Variants in MUC5B observed in about 807,000 individuals in gnomAD.
MUC5B encodes the protein mucin 5B, oligomeric mucus/gel-forming.
MUC5B carries 116 observed loss-of-function variants against 376.9 expected under a neutral mutation model. The ratio of observed to expected loss-of-function variants is 0.31; its 90% CI spans 0.26 to 0.36. The LOEUF (loss-of-function observed/expected upper bound fraction) is 0.36, where lower values mean the gene tolerates loss of function less well. MUC5B is among the 10% of genes least tolerant of loss of function. MUC5B has a pLI of 1.00. For synonymous variants in MUC5B, 3,517 were observed against 3,390.9 expected, an observed-to-expected ratio of 1.04 and a Z score of -1.29; for missense variants, 7,165 against 7,769.9, an observed-to-expected ratio of 0.92 and a Z score of 2.93.
chr11:1,245,655 C>T lies in MUC5B; in HGVS notation c.8775C>T (p.Val2925=). 1.9e-6 allele frequency: 3 copies of T among 1,601,968 alleles called. No individual in the cohort carries two copies. In the South Asian group the frequency reaches 3.3e-5, roughly 18 times the overall value. Residue 2925 remains valine, a synonymous_variant, in exon 31 of 49, where the codon GTC becomes GTT. Coordinates refer to ENST00000529681, the MANE Select transcript of MUC5B (RefSeq NM_002458.3). The part of the protein sequence containing the change: ...LECRAQAQPG[V]PLRELGQVVE... ...GCCGTGCCCAGGCCCAGCCTGGTGT[C>T]CCCCTGCGGGAGTTGGGCCAGGTCG...
rs1337569684 is a variant in MUC5B, at chr11:1,259,281, T to C, written c.16713+220T>C. On this transcript the variant is annotated intron_variant, in intron 44 of 48. Transcript: ENST00000529681. ...GAGGCACCTGCCCCCAGGTGAGACC[T>C]GAGTCACCTGCCCCCAGGTGAGCCA... 5.0e-4 allele frequency among the ~76,000 whole-genome samples: 57 copies of C among 114,792 alleles called. No homozygotes were observed. In the East Asian group the frequency reaches 8.6e-3, roughly 17 times the overall value. The allele number at this position is 114,792 out of a possible 152,430, so 75.3% of individuals were successfully genotyped here.
At position 1,240,883 on chromosome 11, in the gene MUC5B, C is replaced by T. The variant is rs762102969; in HGVS notation, c.4003C>T (p.Arg1335Cys). The T allele has an allele frequency of 5.0e-6, 8 of 1,611,762 alleles. No individual in the cohort carries two copies. Among genetic ancestry groups the T allele is most frequent in the Non-Finnish European group, 5.9e-6 (7 of 1,179,588 alleles). ...PALPVSTVCV[R>C]EVCRWSSWYN... ...CCTCCCGGTCTCCACCGTGTGTGTCCGCGAGGTCTGCCGCTGGTCCAGCTG... is the reference window on the plus strand; with the variant it reads ...CCTCCCGGTCTCCACCGTGTGTGTCTGCGAGGTCTGCCGCTGGTCCAGCTG... Residue 1335 changes from arginine to cysteine, a missense_variant, in exon 31 of 49, where the codon CGC (arginine) becomes TGC (cysteine). Around this residue, in one of 31 missense-constraint regions of MUC5B, gnomAD observed 517 missense variants for 545.3 expected, o/e 0.95. Coordinates refer to ENST00000529681, the MANE Select transcript of MUC5B (RefSeq NM_002458.3).
chr11:1,256,283 G>T, intron 38 of MUC5B, 58 bp downstream of exon 38: 1 of 711,468 alleles, frequency 1.4e-6, no homozygotes, highest in Non-Finnish European at 2.6e-6. Flanking sequence ...GACCGGTCTG[G>T]GGGAGCAGGA....
Position 1,248,339 on chromosome 11 carries a change from C to T in MUC5B, c.11459C>T (p.Ser3820Phe), listed in dbSNP as rs376851257. ...ACCACCACACCCACGGCCACCATGT[C>T]CACAGCCACACCCTCCTCCACTCCA... is the stretch of plus-strand genomic sequence containing the variant. ...SQTTTPTATMSTATPSSTPET... is the reference protein window; with the variant it reads ...SQTTTPTATMFTATPSSTPET... Residue 3820 changes from serine (S) to phenylalanine (F), a missense_variant, in exon 31 of 49, where the codon TCC becomes TTC. Physicochemically the swap from Ser to Phe is radical, Grantham distance 155 (BLOSUM62 -2). This residue lies in a region of MUC5B where 72 missense variants were observed against 127.8 expected (regional missense o/e 0.56). Transcript: ENST00000529681. 64 of 1,612,570 alleles carry T rather than the reference C, an allele frequency of 4.0e-5. No homozygotes were observed. Among genetic ancestry groups the T allele is most frequent in the East Asian group, 4.5e-5 (2 of 44,844 alleles).
rs969661427 is a variant in MUC5B at position 1,232,351 on chromosome 11, C to T, written c.1844-99C>T. 4.2e-6 allele frequency: 6 copies of T among 1,425,494 alleles called. No individual in the cohort carries two copies. In the East Asian group the frequency reaches 1.3e-4, roughly 30 times the overall value. The allele number at this position is 1,425,494 out of a possible 1,614,324, so 88.3% of individuals were successfully genotyped here. A position where few individuals can be genotyped will look rare whatever the true frequency, so the allele number is the denominator to read the frequency against. On this transcript the variant is annotated intron_variant, in intron 15 of 48. Coordinates refer to ENST00000529681, the MANE Select transcript of MUC5B (RefSeq NM_002458.3). The stretch of plus-strand genomic sequence containing the variant: ...GGCGCAGCAGGTGAGCCGCAAATTC[C>T]AACTCACTGTTCCCCGGGCTGAGGG...
Position 1,242,448 on chromosome 11 carries a change from C to T in MUC5B, c.5568C>T (p.Thr1856=). The T allele has an allele frequency of 6.2e-7, 1 of 1,613,832 alleles. No homozygotes were observed. The highest frequency in any genetic ancestry group is 8.5e-7 in the Non-Finnish European group (1 of 1,179,822). Residue 1856 remains threonine (T), a synonymous_variant, in exon 31 of 49, where the codon ACC becomes ACT. Transcript: ENST00000529681. ...VLTCSLETGL[T]CKNEDQTGRF... is the part of the protein sequence containing the mutation. ...CCTGCAGCCTGGAGACGGGGCTGAC[C>T]TGCAAGAACGAAGACCAGACAGGCA...
chr11:1,240,463 GTA>G (rs1862255156), intron 30 of MUC5B, 88 bp downstream of exon 30: 13 of 1,241,642 alleles, frequency 1.0e-5, no homozygotes, highest in Non-Finnish European at 1.2e-5. Flanking sequence ...GCCCTGTATG[GTA>G]GCGACAGTCC....
chr11:1,227,778 C>T lies in MUC5B; in HGVS notation c.771C>T (p.Asp257=), dbSNP rs190771168. The T allele has an allele frequency of 9.9e-6, 7 of 710,040 alleles. No individual in the cohort carries two copies. The highest frequency in any genetic ancestry group is 5.4e-5 in the East Asian group (2 of 37,054). 44.0% of individuals were successfully genotyped at this position (710,040 alleles called of 1,614,324 possible). Residue 257 remains aspartate (D), a synonymous_variant, in exon 7 of 49, where the codon GAC becomes GAT. Transcript: ENST00000529681. ...CCTTGCCGGCCGGCAACTGCACGGA[C>T]GAGGTGAGTCCCCCGCCACCCCCAG... is the stretch of plus-strand genomic sequence containing the variant. ...PLPLPAGNCT[D]EEGICHRTLL... is the part of the protein sequence containing the mutation.
At position 1,240,979 on chromosome 11, in the gene MUC5B, A is replaced by G; in HGVS notation, c.4099A>G (p.Arg1367Gly). The change falls in exon 31 of 49, where the codon AGA becomes GGA. Residue 1367 changes from arginine (R) to glycine (G), a missense_variant. Transcript: ENST00000529681. The part of the protein sequence containing the change: ...DFETFENLRQ[R>G]GYQVCPVLAD... The stretch of plus-strand genomic sequence containing the variant: ...TGAGACGTTTGAAAACCTGAGGCAG[A>G]GAGGGTACCAGGTATGCCCTGTGCT... The G allele has an allele frequency of 6.2e-7, 1 of 1,613,448 alleles. No individual in the cohort carries two copies. The highest frequency in any genetic ancestry group is 2.2e-5 in the East Asian group (1 of 44,886).
Position 1,233,852 on chromosome 11 carries a change from A to C in MUC5B, c.2377+4A>C. The C allele has an allele frequency of 6.3e-7, 1 of 1,590,282 alleles. No individual in the cohort carries two copies. The highest frequency in any genetic ancestry group is 2.3e-5 in the East Asian group (1 of 43,302). On this transcript the variant is annotated splice_donor_region_variant and intron_variant, in intron 19 of 48. Coordinates refer to ENST00000529681, the MANE Select transcript of MUC5B (RefSeq NM_002458.3). ...GCCTCTCTGCAGAAAAGCACAGGTA[A>C]GTGCCACCCCTGCCCTGCCCTGCCC...
chr11:1,242,497 A>G lies in MUC5B; in HGVS notation c.5617A>G (p.Asn1873Asp), dbSNP rs1428447685. 1.2e-6 allele frequency: 2 copies of G among 1,613,620 alleles called. No homozygotes were observed. Among genetic ancestry groups the G allele is most frequent in the African/African-American group, 2.7e-5 (2 of 74,824 alleles). The change falls in exon 31 of 49, where the codon AAC becomes GAC. Residue 1873 changes from asparagine to aspartate, a missense_variant. Asn to Asp is a conservative substitution (Grantham distance 23). This residue lies in a region of MUC5B where 897 missense variants were observed against 779.6 expected (regional missense o/e 1.15). Transcript: ENST00000529681. Reference protein sequence around the residue: ...TGRFNMCFNYNVRVLCCDDYS... With the variant: ...TGRFNMCFNYDVRVLCCDDYS... ...CAGGTTCAACATGTGCTTCAACTAC[A>G]ACGTGCGTGTGCTTTGCTGTGACGA...
intron 2 of MUC5B, 103 bp downstream of exon 2, chr11:1,225,840 C>T: frequency 2.6e-6 from 3 of 1,132,996 alleles, no homozygotes; most frequent in Non-Finnish European, 3.8e-6. Flanking sequence ...ATGCGTCTGA[C>T]AGAGACCCTC....
chr11:1,240,274 G>A lies in MUC5B; in HGVS notation c.3869G>A (p.Gly1290Glu). 1 of 1,613,746 alleles carries A rather than the reference G, an allele frequency of 6.2e-7. No homozygotes were observed. Among genetic ancestry groups the A allele is most frequent in the Non-Finnish European group, 8.5e-7 (1 of 1,179,734 alleles). ...GLGACLIAIC[G>E]SNGTIIRKAV... Reference sequence around the variant, plus strand: ...GGCGCCTGCTTGATCGCCATCTGCGGAAGCAACGGCACCATCATCAGGAAG... The same window carrying A: ...GGCGCCTGCTTGATCGCCATCTGCGAAAGCAACGGCACCATCATCAGGAAG... Residue 1290 changes from glycine (G) to glutamate (E), a missense_variant, in exon 30 of 49, where the codon GGA becomes GAA. Gly to Glu is a moderately conservative substitution (Grantham distance 98). This residue lies in a region of MUC5B where 517 missense variants were observed against 545.3 expected (regional missense o/e 0.95). Transcript: ENST00000529681.
rs1192976230 is a variant in MUC5B, at chr11:1,258,186, G to A, written c.16538G>A (p.Cys5513Tyr). ...TGCACCCAGGAGGAGGGCGACTGCT[G>A]TCCCACCTTCCGCTGCAGTGAGCGG... ...SICTQEEGDC[C>Y]PTFRCRPQLC... Residue 5513 changes from cysteine (C) to tyrosine (Y), a missense_variant, in exon 42 of 49, where the codon TGT (cysteine) becomes TAT (tyrosine). Physicochemically the swap from Cys to Tyr is radical, Grantham distance 194. This residue lies in a region of MUC5B where 842 missense variants were observed against 1,016.9 expected (regional missense o/e 0.83). Transcript: ENST00000529681. The surrounding 1 kb of genome is among the most constrained non-coding windows in gnomAD (Gnocchi z 5.5). 2 of 1,598,036 alleles carry A rather than the reference G, an allele frequency of 1.3e-6. No homozygotes were observed. Among genetic ancestry groups the A allele is most frequent in the Non-Finnish European group, 1.7e-6 (2 of 1,173,984 alleles).
Position 1,249,095 on chromosome 11 carries a change from G to T in MUC5B, c.12215G>T (p.Ser4072Ile). The change falls in exon 31 of 49, where the codon AGC (serine) becomes ATC (isoleucine). Residue 4072 changes from serine (S) to isoleucine (I), a missense_variant. Transcript: ENST00000529681. ...CCAGCCCTGTCCAGCCCTCACCCTAGCAGCAGGACCACCGAGTCACCCCCT... is the reference window on the plus strand; with the variant it reads ...CCAGCCCTGTCCAGCCCTCACCCTATCAGCAGGACCACCGAGTCACCCCCT... ...STPALSSPHP[S>I]SRTTESPPSP... 1 of 1,609,082 alleles carries T rather than the reference G, an allele frequency of 6.2e-7. No homozygotes were observed. The highest frequency in any genetic ancestry group is 2.2e-5 in the East Asian group (1 of 44,740).
chr11:1,242,810 C>T lies in MUC5B; in HGVS notation c.5930C>T (p.Ala1977Val), dbSNP rs756827696. The change falls in exon 31 of 49, where the codon GCT (alanine) becomes GTT (valine). Residue 1977 changes from alanine to valine, a missense_variant. Physicochemically the swap from Ala to Val is moderately conservative, Grantham distance 64 (BLOSUM62 0). This residue lies in a region of MUC5B where 897 missense variants were observed against 779.6 expected (regional missense o/e 1.15). Transcript: ENST00000529681. Reference sequence around the variant, plus strand: ...AGAAGCACAGCCACCACACCCACAGCTACCAGCGTTACACCCATCCCCTCT... The same window carrying T: ...AGAAGCACAGCCACCACACCCACAGTTACCAGCGTTACACCCATCCCCTCT... ...ALRSTATTPTATSVTPIPSSS... is the reference protein window; with the variant it reads ...ALRSTATTPTVTSVTPIPSSS... 2.5e-6 allele frequency: 4 copies of T among 1,613,542 alleles called. No homozygotes were observed. Among genetic ancestry groups the T allele is most frequent in the Middle Eastern group, 3.3e-4 (2 of 6,084 alleles).
chr11:1,250,722 G>A lies in MUC5B; in HGVS notation c.13842G>A (p.Thr4614=), dbSNP rs554194475. ...CCTCCAGCCCAGGGACGGCACTCAC[G>A]CCTCCAGTGTGGATCAGCACAACCA... is the stretch of plus-strand genomic sequence containing the variant. ...TPSSSPGTAL[T]PPVWISTTTT... The change falls in exon 31 of 49, where the codon ACG becomes ACA. Residue 4614 remains threonine, a synonymous_variant. Transcript: ENST00000529681. 1.1e-5 allele frequency: 17 copies of A among 1,598,568 alleles called. 1 individual carries two copies. The highest frequency in any genetic ancestry group is 1.4e-5 in the Non-Finnish European group (16 of 1,169,424).
In MUC5B at chr11:1,247,468, C is replaced by T. The variant is rs1430091989; in HGVS notation, c.10588C>T (p.Pro3530Ser). Residue 3530 changes from proline (P) to serine (S), a missense_variant, in exon 31 of 49, where the codon CCG becomes TCG. By Grantham distance (74) the Pro-to-Ser change is moderately conservative. Coordinates refer to ENST00000529681, the MANE Select transcript of MUC5B (RefSeq NM_002458.3). ...ACCCCCTTCTCCAGGGACGACCACC[C>T]CGGGCCACACCAGGGGCACCTCCAG... is the stretch of plus-strand genomic sequence containing the variant. ...ESPPSPGTTT[P>S]GHTRGTSRTT... 6.2e-7 allele frequency: 1 copy of T among 1,608,400 alleles called. No individual in the cohort carries two copies. Among genetic ancestry groups the T allele is most frequent in the Admixed American group, 1.7e-5 (1 of 59,930 alleles).
At position 1,239,544 on chromosome 11, in the gene MUC5B, G is replaced by C. The variant is rs753509356; in HGVS notation, c.3561G>C (p.Leu1187=). 2.5e-6 allele frequency: 4 copies of C among 1,590,252 alleles called. No individual in the cohort carries two copies. The South Asian group carries it at 3.4e-5, about 13-fold the overall frequency. ...KTCRNPSGHC[L]VDLPGLEGCY... ...GCCGGAACCCCAGTGGGCACTGCCTGGTGGACCTGCCTGGCCTGGAAGGTG... is the reference window on the plus strand; with the variant it reads ...GCCGGAACCCCAGTGGGCACTGCCTCGTGGACCTGCCTGGCCTGGAAGGTG... The change falls in exon 27 of 49, where the codon CTG becomes CTC. Residue 1187 remains leucine, a synonymous_variant. Coordinates refer to ENST00000529681, the MANE Select transcript of MUC5B (RefSeq NM_002458.3).
Sources: gnomAD v4.1 joint callset for allele counts (sites outside exome capture counted in the v4.1 genomes callset) on GRCh38, gnomAD v4.1.1 for gene constraint, gnomAD v4.1.1 regional missense constraint, Gnocchi (gnomAD v3.1) non-coding constraint, MANE v1.5 for transcripts, NCBI Gene and HGNC (gene_info 2026-07-23, HGNC 2026-07-21) for gene names.